KCNQ1: variants seen among roughly 807,000 people sequenced by gnomAD.
KCNQ1 encodes the protein potassium voltage-gated channel subfamily KQT member 1.
In KCNQ1, 49 loss-of-function variants were observed where a neutral mutation model predicts 72.4. The ratio of observed to expected loss-of-function variants is 0.68; its 90% CI spans 0.54 to 0.86. The LOEUF (loss-of-function observed/expected upper bound fraction) is 0.86, where lower values mean the gene tolerates loss of function less well. Among genes scored for constraint, KCNQ1 ranks in the 40% least tolerant of loss-of-function variants. The probability of loss-of-function intolerance (pLI) is 0.00; values close to 1 mark genes in which losing one functional copy is unlikely to be tolerated. For missense variants in KCNQ1, 790 were observed against 945.1 expected (o/e 0.84, Z 2.15); for synonymous variants, 450 against 412.6 (o/e 1.09, Z -1.10).
In KCNQ1 at chr11:2,536,212, G is replaced by A. The variant is rs77621021; in HGVS notation, c.477+8194G>A. ...GCGCTCAGCTGGGCCGCGGCTCCAC[G>A]GTGTTAAGGGATTCTAGAAATTTCC... On this transcript the variant is annotated intron_variant, in intron 2 of 15. Transcript: ENST00000155840. The surrounding 1 kb of genome is among the most constrained non-coding windows in gnomAD (Gnocchi z 7.4). Among the ~76,000 whole-genome samples the A allele has an allele frequency of 0.014, 2,170 of 152,324 alleles. 38 individuals are homozygous for A. Among genetic ancestry groups the A allele is most frequent in the African/African-American group, 0.046 (1,911 of 41,570 alleles).
In KCNQ1 at chr11:2,453,012, G is replaced by A. The variant is rs146412231; in HGVS notation, c.386+7528G>A. Reference sequence around the variant, plus strand: ...GCCTGGAATTCTTTACCCTGAGAGCGAAGAAACTTTTCTATGACTTGAATG... The same window carrying A: ...GCCTGGAATTCTTTACCCTGAGAGCAAAGAAACTTTTCTATGACTTGAATG... On this transcript the variant is annotated intron_variant, in intron 1 of 15. Transcript: ENST00000155840. Among the ~76,000 whole-genome samples the A allele has an allele frequency of 9.0e-4, 137 of 152,340 alleles. 1 individual carries two copies. Among genetic ancestry groups the A allele is most frequent in the East Asian group, 5.8e-3 (30 of 5,190 alleles).
intron 10 of KCNQ1, chr11:2,634,091 T>C: frequency 2.5e-6 from 1 of 398,424 alleles, no homozygotes; most frequent in Non-Finnish European, 4.4e-6. Context: ...CCATGCAAGT[T>C]TAAGGATTGT....
rs1387059478 is a variant in KCNQ1 at position 2,783,218 on chromosome 11, G to A, written c.1794+5181G>A. Among the ~76,000 whole-genome samples, 3 of 151,856 alleles carry A rather than the reference G, an allele frequency of 2.0e-5. No homozygotes were observed. Among genetic ancestry groups the A allele is most frequent in the Admixed American group, 6.6e-5 (1 of 15,260 alleles). On this transcript the variant is annotated intron_variant, in intron 15 of 15. Coordinates refer to ENST00000155840, the MANE Select transcript of KCNQ1 (RefSeq NM_000218.3). This position sits in a 1 kb window ranked among gnomAD's most constrained non-coding sequence, Gnocchi z 5.2. ...TTTCTAATCTCCATTATGATCTCTT[G>A]TTTATCCTAGGAGTTCTGTAGCAAT... is the stretch of plus-strand genomic sequence containing the variant.
At chr11:2,630,693 T>A (rs1318119416) in intron 10 of KCNQ1, 3 of 398,378 alleles carry the variant, frequency 7.5e-6, no homozygotes, top group Non-Finnish European at 1.3e-5. Context: ...CTTTCATATG[T>A]TTTCATGTTA....
intron 2 of KCNQ1, among the ~76,000 whole-genome samples, chr11:2,553,094 G>A (rs78183364): frequency 0.024 from 3,619 of 151,042 alleles, 62 homozygotes; most frequent in Middle Eastern, 0.066. Context: ...CTTGCGTCCT[G>A]TGACTTTGCT....
In KCNQ1 at chr11:2,470,704, T is replaced by TGGGG. The variant is rs113753362; in HGVS notation, c.386+25228_386+25231dup. 5.0e-4 allele frequency among the ~76,000 whole-genome samples: 45 copies of TGGGG among 89,510 alleles called. No individual in the cohort carries two copies. The South Asian group carries it at 5.7e-3, about 11-fold the overall frequency. The allele number at this position is 89,510 out of a possible 152,430, so 58.7% of individuals were successfully genotyped here. On this transcript the variant is annotated intron_variant, in intron 1 of 15. Transcript: ENST00000155840. ...CCAAGTGGGGATCCACTCAGTTAGG[T>TGGGG]GGGGGGGGGGGTGCTTAGAATTTTA...
rs1004146690 is a variant in KCNQ1 at position 2,689,068 on chromosome 11, G to A, written c.1514+26987G>A. On this transcript the variant is annotated intron_variant, in intron 11 of 15. Transcript: ENST00000155840. ...GAGGGGCAGTTACCTCCTCCTCCCC[G>A]GTGGCACATCCGGCCTGGAAGTTGG... 2.0e-5 allele frequency: 8 copies of A among 398,694 alleles called. 1 individual carries two copies. In the South Asian group the frequency reaches 8.9e-4, roughly 44 times the overall value. 24.7% of individuals were successfully genotyped at this position (398,694 alleles called of 1,614,324 possible).
chr11:2,568,294 TAAA>T (rs1420455498), intron 2 of KCNQ1, among the ~76,000 whole-genome samples: 1 of 151,318 alleles, frequency 6.6e-6, no homozygotes, highest in Non-Finnish European at 1.5e-5. Flanking sequence ...AATAAATAAA[TAAA>T]TAAATAAAGT....
At chr11:2,749,405 G>T (rs1846188231) in intron 11 of KCNQ1, among the ~76,000 whole-genome samples, 1 of 152,150 alleles carries the variant, frequency 6.6e-6, no homozygotes, top group South Asian at 2.1e-4. Flanking sequence ...CAAGGCCAGG[G>T]CTCTGCCTGG....
intron 11 of KCNQ1, among the ~76,000 whole-genome samples, chr11:2,741,687 T>A (rs1304928649): frequency 6.6e-6 from 1 of 152,148 alleles, no homozygotes; most frequent in African/African-American, 2.4e-5. Flanking sequence ...TATCACCCCA[T>A]CGCTGTGAGT....
chr11:2,646,855 T>A (rs1849673756), intron 10 of KCNQ1: 5 of 398,552 alleles, frequency 1.3e-5, no homozygotes, highest in Admixed American at 4.4e-5. Flanking sequence ...TCCTGCAACT[T>A]TATTGAATTC....
At chr11:2,675,186 CT>C in intron 11 of KCNQ1, 1 of 398,616 alleles carries the variant, frequency 2.5e-6, no homozygotes, top group Non-Finnish European at 4.4e-6. Context: ...ATTAGGGCCC[CT>C]CTAGGTCAAT....
intron 11 of KCNQ1, chr11:2,699,967 C>T (rs976493621): frequency 3.8e-5 from 15 of 398,210 alleles, no homozygotes; most frequent in Non-Finnish European, 6.2e-5. Context: ...CCTGGAGGTC[C>T]GTGCTGAGGC....
rs1332355866 is a variant in KCNQ1 at position 2,626,963 on chromosome 11, TC to T, written c.1394-34997del. ...GGGTTTCTTCTTTCTGCAAATAACA[TC>T]ATTAGGATTTTTATTGGGATTACCT... On this transcript the variant is annotated intron_variant, in intron 10 of 15. Transcript: ENST00000155840. The surrounding 1 kb of genome is among the most constrained non-coding windows in gnomAD (Gnocchi z 4.0). The T allele has an allele frequency of 1.0e-5, 4 of 398,490 alleles. No individual in the cohort carries two copies. The highest frequency in any genetic ancestry group is 2.1e-5 in the African/African-American group (1 of 48,632). 24.7% of individuals were successfully genotyped at this position (398,490 alleles called of 1,614,324 possible). A position where few individuals can be genotyped will look rare whatever the true frequency, so the allele number is the denominator to read the frequency against.
At chr11:2,512,123 T>C (rs1314736023) in intron 1 of KCNQ1, among the ~76,000 whole-genome samples, 1 of 152,158 alleles carries the variant, frequency 6.6e-6, no homozygotes, top group African/African-American at 2.4e-5. Flanking sequence ...GGGCTTCCCA[T>C]GGGCCATACA....
intron 15 of KCNQ1, among the ~76,000 whole-genome samples, chr11:2,806,186 G>T (rs1847369643): frequency 6.6e-6 from 1 of 152,170 alleles, no homozygotes; most frequent in Admixed American, 6.5e-5. Context: ...TGGACTTAGA[G>T]ATATGTTTTT....
rs529617850 is a variant in KCNQ1, at chr11:2,651,567, C to A, written c.1394-10394C>A. 5 of 398,488 alleles carry A rather than the reference C, an allele frequency of 1.3e-5. No homozygotes were observed. The highest frequency in any genetic ancestry group is 2.1e-5 in the African/African-American group (1 of 48,626). The allele number at this position is 398,488 out of a possible 1,614,324, so 24.7% of individuals were successfully genotyped here. ...GAGAACATGGATATTGTGTTCTTTA[C>A]CTCCATGTCTCCAGTGCCTGCCACA... On this transcript the variant is annotated intron_variant, in intron 10 of 15. Transcript: ENST00000155840. This position sits in a 1 kb window ranked among gnomAD's most constrained non-coding sequence, Gnocchi z 6.1.
rs1205424151 is a variant in KCNQ1 at position 2,562,892 on chromosome 11, G to C, written c.478-7736G>C. ...TCTTTAAAATTAATTTTCCTTTAAA[G>C]ATACTGTAGAGCAGTAACATCAGAG... is the stretch of plus-strand genomic sequence containing the variant. On this transcript the variant is annotated intron_variant, in intron 2 of 15. Coordinates refer to ENST00000155840, the MANE Select transcript of KCNQ1 (RefSeq NM_000218.3). This position sits in a 1 kb window ranked among gnomAD's most constrained non-coding sequence, Gnocchi z 7.5. Among the ~76,000 whole-genome samples the C allele has an allele frequency of 6.6e-6, 1 of 152,160 alleles. No homozygotes were observed.
rs909777256 is a variant in KCNQ1, at chr11:2,509,456, G to C, written c.387-18472G>C. ...TGGGAGGCTGGGTCTGTGCTGTGTG[G>C]GGGGTGTTTGGTGTCCTAGGAGGAG... On this transcript the variant is annotated intron_variant, in intron 1 of 15. Coordinates refer to ENST00000155840, the MANE Select transcript of KCNQ1 (RefSeq NM_000218.3). This position sits in a 1 kb window ranked among gnomAD's most constrained non-coding sequence, Gnocchi z 6.3. Among the ~76,000 whole-genome samples, 1 of 152,128 alleles carries C rather than the reference G, an allele frequency of 6.6e-6. No individual in the cohort carries two copies. Among genetic ancestry groups the C allele is most frequent in the Non-Finnish European group, 1.5e-5 (1 of 68,016 alleles).
Sources: allele counts gnomAD v4.1 joint callset (sites outside exome capture counted in the v4.1 genomes callset), GRCh38; gene constraint gnomAD v4.1.1; non-coding constraint Gnocchi (gnomAD v3.1); transcripts MANE v1.5; gene names NCBI Gene and HGNC (gene_info 2026-07-23, HGNC 2026-07-21).